The following PELI2 variants were observed in gnomAD, a reference collection of about 807,000 sequenced individuals.
PELI2 encodes E3 ubiquitin-protein ligase pellino homolog 2.
A neutral mutation model predicts 42.3 loss-of-function variants in PELI2; 23 were observed. The ratio of observed to expected loss-of-function variants is 0.54; its 90% confidence interval spans 0.39 to 0.77. The LOEUF is 0.77. Among genes scored for constraint, PELI2 ranks in the 30% least tolerant of loss-of-function variants. The pLI is 0.00. For missense variants in PELI2, 463 were observed against 553.2 expected (o/e 0.84, Z 1.64); for synonymous variants, 245 against 212.2 (o/e 1.15, Z -1.34).
chr14:56,118,656 G>T lies in PELI2; in HGVS notation c.-5G>T, dbSNP rs958678794. ...GCGGCGGCGTCGGCGGCCGAGCGGGGCTCCATGTTTTCCCCTGGCCAGGAG... is the reference window on the plus strand; with the variant it reads ...GCGGCGGCGTCGGCGGCCGAGCGGGTCTCCATGTTTTCCCCTGGCCAGGAG... On this transcript the variant is annotated 5_prime_UTR_variant, in exon 1 of 6. Coordinates refer to ENST00000267460, the MANE Select transcript of PELI2 (RefSeq NM_021255.3). 2 of 1,437,154 alleles carry T rather than the reference G, an allele frequency of 1.4e-6. No homozygotes were observed. Among genetic ancestry groups the T allele is most frequent in the African/African-American group, 1.5e-5 (1 of 67,416 alleles). The allele number at this position is 1,437,154 out of a possible 1,614,324, so 89.0% of individuals were successfully genotyped here.
chr14:56,283,235 T>C (rs1889537512), intron 3 of PELI2, among the ~76,000 whole-genome samples: 1 of 152,246 alleles, frequency 6.6e-6, no homozygotes, highest in African/African-American at 2.4e-5. Flanking sequence ...AGTTGGACTT[T>C]TTCAGCTTCC....
At chr14:56,255,608 A>G (rs1330043653) in intron 2 of PELI2, among the ~76,000 whole-genome samples, 2 of 152,162 alleles carry the variant, frequency 1.3e-5, no homozygotes. Flanking sequence ...TGTTGTGCAC[A>G]TGTATCCCAG....
intron 1 of PELI2, among the ~76,000 whole-genome samples, chr14:56,129,673 G>A (rs2139585418): frequency 6.6e-6 from 1 of 152,284 alleles, no homozygotes; most frequent in Admixed American, 6.5e-5. Context: ...GCCCTCAGGA[G>A]GCAGAATGGG....
intron 1 of PELI2, among the ~76,000 whole-genome samples, chr14:56,146,009 A>T (rs1884101237): frequency 6.6e-6 from 1 of 152,212 alleles, no homozygotes; most frequent in Non-Finnish European, 1.5e-5. Context: ...TGAAATCCAA[A>T]TTGACTGTAT....
chr14:56,159,270 G>A (rs1226145216), intron 1 of PELI2, among the ~76,000 whole-genome samples: 1 of 152,216 alleles, frequency 6.6e-6, no homozygotes, highest in African/African-American at 2.4e-5. Context: ...TGCGCCTGCT[G>A]TGTGGATGTG....
intron 1 of PELI2, among the ~76,000 whole-genome samples, chr14:56,159,720 C>A (rs1290222347): frequency 2.6e-5 from 4 of 151,944 alleles, no homozygotes; most frequent in African/African-American, 4.8e-5. Flanking sequence ...ACTTAAGTGG[C>A]GATATTTTGG....
intron 2 of PELI2, among the ~76,000 whole-genome samples, chr14:56,196,105 A>G (rs1566631205): frequency 6.6e-6 from 1 of 152,218 alleles, no homozygotes; most frequent in Non-Finnish European, 1.5e-5. Flanking sequence ...TTTAAGTACA[A>G]TTTCTAGGAT....
At chr14:56,159,424 A>G (rs913873326) in intron 1 of PELI2, among the ~76,000 whole-genome samples, 3 of 152,192 alleles carry the variant, frequency 2.0e-5, no homozygotes, top group Admixed American at 1.3e-4. Flanking sequence ...ACATGGTCTA[A>G]CCCCAAAATT....
At chr14:56,271,642 A>G (rs956753751) in intron 2 of PELI2, among the ~76,000 whole-genome samples, 2 of 152,224 alleles carry the variant, frequency 1.3e-5, no homozygotes, top group Non-Finnish European at 1.5e-5. Flanking sequence ...CTGCGATGCC[A>G]TATTAAATAC....
At chr14:56,232,622 G>T (rs1239101087) in intron 2 of PELI2, among the ~76,000 whole-genome samples, 1 of 151,976 alleles carries the variant, frequency 6.6e-6, no homozygotes, top group Non-Finnish European at 1.5e-5. Flanking sequence ...AATAATAAGA[G>T]CTATTTATGA....
intron 2 of PELI2, among the ~76,000 whole-genome samples, chr14:56,277,731 G>C (rs1276329791): frequency 6.6e-6 from 1 of 152,078 alleles, no homozygotes; most frequent in East Asian, 1.9e-4. Context: ...TGACTTCCCA[G>C]TGAATTTGGG....
Position 56,298,632 on chromosome 14 carries a change from T to G in PELI2, c.*1466T>G, listed in dbSNP as rs538293242. ...ACTATATCCATACTTGAATTGGTTTTTTCGTATTTTGCCTACTGGCAAATA... is the reference window on the plus strand; with the variant it reads ...ACTATATCCATACTTGAATTGGTTTGTTCGTATTTTGCCTACTGGCAAATA... On this transcript the variant is annotated 3_prime_UTR_variant, in exon 6 of 6. Coordinates refer to ENST00000267460, the MANE Select transcript of PELI2 (RefSeq NM_021255.3). 1 of 152,782 alleles carries G rather than the reference T, an allele frequency of 6.5e-6. No homozygotes were observed. The highest frequency in any genetic ancestry group is 1.9e-4 in the East Asian group (1 of 5,190). The allele number at this position is 152,782 out of a possible 1,614,324, so 9.5% of individuals were successfully genotyped here.
chr14:56,240,685 C>A (rs1043540867), intron 2 of PELI2, among the ~76,000 whole-genome samples: 1 of 152,030 alleles, frequency 6.6e-6, no homozygotes, highest in Non-Finnish European at 1.5e-5. Flanking sequence ...GAAGAGGAAA[C>A]GGAGTAGCTC....
chr14:56,297,121 G>T lies in PELI2; in HGVS notation c.1218G>T (p.Gly406=), dbSNP rs746613802. Residue 406 remains glycine (G), a synonymous_variant, in exon 6 of 6, where the codon GGG becomes GGT. Transcript: ENST00000267460. ...ACPFCATQLV[G]EQNCIKLIFQ... ...CTTTCTGTGCTACACAGCTGGTTGG[G>T]GAGCAAAACTGCATCAAATTAATTT... 1 of 1,604,632 alleles carries T rather than the reference G, an allele frequency of 6.2e-7. No individual in the cohort carries two copies. Among genetic ancestry groups the T allele is most frequent in the Admixed American group, 1.7e-5 (1 of 60,014 alleles).
rs558290281 is a variant in PELI2, at chr14:56,169,962, C to T, written c.78-8373C>T. On this transcript the variant is annotated intron_variant, in intron 1 of 5. Transcript: ENST00000267460. ...TGGCATATGGGCATTTCCTTAAACG[C>T]GGTTGGAATAGTGCATTTATACAGT... is the stretch of plus-strand genomic sequence containing the variant. Among the ~76,000 whole-genome samples, 18 of 152,242 alleles carry T rather than the reference C, an allele frequency of 1.2e-4. No homozygotes were observed. The South Asian group carries it at 1.7e-3, about 14-fold the overall frequency.
In PELI2 at chr14:56,273,425, A is replaced by T. The variant is rs1390790293; in HGVS notation, c.208-6251A>T. The stretch of plus-strand genomic sequence containing the variant: ...CTACTGAAGCCAGCCCAGATGCCAG[A>T]TGATACATGATGATTGCACAAAAGC... On this transcript the variant is annotated intron_variant, in intron 2 of 5. Transcript: ENST00000267460. The surrounding 1 kb of genome is among the most constrained non-coding windows in gnomAD (Gnocchi z 4.3). Among the ~76,000 whole-genome samples the T allele has an allele frequency of 6.6e-6, 1 of 152,218 alleles. No homozygotes were observed. The highest frequency in any genetic ancestry group is 1.5e-5 in the Non-Finnish European group (1 of 68,038).
At chr14:56,247,475 A>T (rs766926820) in intron 2 of PELI2, among the ~76,000 whole-genome samples, 1 of 152,192 alleles carries the variant, frequency 6.6e-6, no homozygotes, top group Non-Finnish European at 1.5e-5. Context: ...GAACCTACAC[A>T]TATAAATGTA....
intron 2 of PELI2, among the ~76,000 whole-genome samples, chr14:56,229,695 CA>C (rs1220764162): frequency 6.6e-6 from 1 of 152,160 alleles, no homozygotes; most frequent in African/African-American, 2.4e-5. Context: ...TCTTCTCCCC[CA>C]AAGGAATGCA....
At chr14:56,232,676 G>T (rs1020715823) in intron 2 of PELI2, among the ~76,000 whole-genome samples, 1 of 150,722 alleles carries the variant, frequency 6.6e-6, no homozygotes, top group Non-Finnish European at 1.5e-5. Context: ...AAAACTGGAA[G>T]CATTCCCTTT....
Sources: gnomAD v4.1 joint callset for allele counts (sites outside exome capture counted in the v4.1 genomes callset) on GRCh38, gnomAD v4.1.1 for gene constraint, Gnocchi (gnomAD v3.1) non-coding constraint, MANE v1.5 for transcripts, NCBI Gene and HGNC (gene_info 2026-07-23, HGNC 2026-07-21) for gene names.